COP1: variants seen among roughly 807,000 people sequenced by gnomAD.
The protein encoded by COP1 is COP1 E3 ubiquitin ligase.
A neutral mutation model predicts 101.3 loss-of-function variants in COP1; 24 were observed. The observed-to-expected ratio is 0.24, with a 90% CI of 0.17 to 0.33. COP1 has a LOEUF of 0.33. Ranked by LOEUF, COP1 falls within the 10% of genes least tolerant of loss-of-function variation. COP1 has a pLI of 1.00. For missense variants in COP1, 663 were observed against 906.2 expected (o/e 0.73, Z 3.45); for synonymous variants, 347 against 341.9 (o/e 1.01, Z -0.17).
intron 18 of COP1, among the ~76,000 whole-genome samples, chr1:175,949,168 C>CAAAAAAAAAAAAAAAAAAAAAAAAA (rs56280543): frequency 4.6e-5 from 2 of 43,164 alleles, no homozygotes; most frequent in African/African-American, 1.0e-4. Flanking sequence ...GGCTCCGTCT[C>CAAAAAAAAAAAAAAAAAAAAAAAAA]AAAAAAAAAA....
At chr1:176,112,619 T>C (rs1685492113) in intron 9 of COP1, among the ~76,000 whole-genome samples, 1 of 152,226 alleles carries the variant, frequency 6.6e-6, no homozygotes, top group African/African-American at 2.4e-5. Context: ...GTAATAACTA[T>C]AATTTCCCTA....
At chr1:176,163,774 A>C (rs760597865) in intron 4 of COP1, 41 bp downstream of exon 4, 4 of 1,260,826 alleles carry the variant, frequency 3.2e-6, no homozygotes, top group Non-Finnish European at 4.5e-6. Flanking sequence ...AAAACAACAA[A>C]ATGAAATTTA....
chr1:176,112,908 C>T (rs544555410), intron 9 of COP1, among the ~76,000 whole-genome samples: 9 of 152,230 alleles, frequency 5.9e-5, no homozygotes, highest in South Asian at 2.1e-4. Flanking sequence ...TTCTTTTTTA[C>T]GGCTGAATAA....
At chr1:175,999,019 T>C (rs1365018331) in intron 15 of COP1, among the ~76,000 whole-genome samples, 1 of 152,142 alleles carries the variant, frequency 6.6e-6, no homozygotes, top group Non-Finnish European at 1.5e-5. Context: ...TTTTGTTTTA[T>C]GTCTTTCCAT....
chr1:176,069,223 G>A lies in COP1; in HGVS notation c.1277+11929C>T, dbSNP rs1269360542. Among the ~76,000 whole-genome samples, 11 of 152,140 alleles carry A rather than the reference G, an allele frequency of 7.2e-5. No individual in the cohort carries two copies. The East Asian group carries it at 2.1e-3, about 29-fold the overall frequency. On this transcript the variant is annotated intron_variant, in intron 11 of 19. Transcript: ENST00000367669. ...AAGAAAAGAAGAAAAGAAATTATATGTAATACAGTAATACGTGGTTTTGGA... is the reference window on the plus strand; with the variant it reads ...AAGAAAAGAAGAAAAGAAATTATATATAATACAGTAATACGTGGTTTTGGA...
chr1:176,138,872 C>A (rs915995180), intron 6 of COP1, among the ~76,000 whole-genome samples: 1 of 152,144 alleles, frequency 6.6e-6, no homozygotes, highest in Non-Finnish European at 1.5e-5. Flanking sequence ...ACCTCTAATT[C>A]AGCAAAACAC....
At chr1:176,081,549 C>CAAT (rs1299318902) in intron 10 of COP1, among the ~76,000 whole-genome samples, 347 of 151,238 alleles carry the variant, frequency 2.3e-3, no homozygotes, top group African/African-American at 8.0e-3. Flanking sequence ...AAAATAATAA[C>CAAT]AATAATAATA....
chr1:176,131,867 A>C (rs1688948796), intron 8 of COP1, among the ~76,000 whole-genome samples: 1 of 151,868 alleles, frequency 6.6e-6, no homozygotes, highest in East Asian at 1.9e-4. Context: ...GAAAATATCA[A>C]AACACTCTTG....
At chr1:176,059,077 T>C (rs2149285503) in intron 11 of COP1, among the ~76,000 whole-genome samples, 1 of 152,222 alleles carries the variant, frequency 6.6e-6, no homozygotes, top group East Asian at 1.9e-4. Flanking sequence ...TGGTTGCAGA[T>C]CTCAGCTGTG....
intron 11 of COP1, among the ~76,000 whole-genome samples, chr1:176,069,565 G>T (rs114550102): frequency 0.016 from 2,437 of 152,312 alleles, 40 homozygotes; most frequent in Non-Finnish European, 0.022. Flanking sequence ...TCCAGTGCTA[G>T]AAGTACAAAG....
chr1:176,038,817 C>CA (rs57682179), intron 14 of COP1, among the ~76,000 whole-genome samples: 23 of 133,724 alleles, frequency 1.7e-4, no homozygotes, highest in African/African-American at 5.2e-4. Context: ...GACTCCATCT[C>CA]AAAAAAAAAA....
At chr1:176,122,161 G>T (rs1023344803) in intron 8 of COP1, among the ~76,000 whole-genome samples, 2 of 147,514 alleles carry the variant, frequency 1.4e-5, no homozygotes, top group Non-Finnish European at 3.0e-5. Context: ...AAAAAAATCT[G>T]GGCTCAAAAA....
intron 8 of COP1, among the ~76,000 whole-genome samples, chr1:176,117,797 A>G (rs1686459140): frequency 1.3e-5 from 2 of 152,162 alleles, no homozygotes; most frequent in South Asian, 4.1e-4. Flanking sequence ...TGGGAGGCTG[A>G]GGCAGGAGAA....
At chr1:176,048,786 T>C (rs1025133146) in intron 11 of COP1, among the ~76,000 whole-genome samples, 4 of 152,348 alleles carry the variant, frequency 2.6e-5, no homozygotes, top group African/African-American at 7.2e-5. Context: ...CTATTAGTTT[T>C]AACATATATA....
intron 11 of COP1, among the ~76,000 whole-genome samples, chr1:176,055,755 A>T (rs1363802786): frequency 6.6e-6 from 1 of 152,170 alleles, no homozygotes; most frequent in African/African-American, 2.4e-5. Flanking sequence ...AACAATTTTC[A>T]TCTTTTGTTT....
intron 15 of COP1, among the ~76,000 whole-genome samples, chr1:176,006,650 T>C (rs1285962432): frequency 6.6e-6 from 1 of 152,224 alleles, no homozygotes; most frequent in Non-Finnish European, 1.5e-5. Context: ...TGAAAATTCT[T>C]TTCTTTAAGA....
At chr1:176,172,255 T>G (rs1481466520) in intron 3 of COP1, among the ~76,000 whole-genome samples, 1 of 152,198 alleles carries the variant, frequency 6.6e-6, no homozygotes, top group South Asian at 2.1e-4. Flanking sequence ...TTGCGCAGAC[T>G]GGTCGCAAAC....
intron 8 of COP1, among the ~76,000 whole-genome samples, chr1:176,117,720 C>G (rs1319710313): frequency 6.6e-6 from 1 of 152,076 alleles, no homozygotes; most frequent in Admixed American, 6.6e-5. Flanking sequence ...CATGGTGAAA[C>G]CCTGTCTCTA....
chr1:176,200,912 CAG>C (rs1379312509), intron 1 of COP1, among the ~76,000 whole-genome samples: 1 of 152,144 alleles, frequency 6.6e-6, no homozygotes, highest in African/African-American at 2.4e-5. Flanking sequence ...AACAATTTAG[CAG>C]AGTTTCACTA....
Sources: gnomAD v4.1 joint callset for allele counts (sites outside exome capture counted in the v4.1 genomes callset) on GRCh38, gnomAD v4.1.1 for gene constraint, MANE v1.5 for transcripts, NCBI Gene and HGNC (gene_info 2026-07-23, HGNC 2026-07-21) for gene names.